FBXL18: variants seen among roughly 807,000 people sequenced by gnomAD.
The protein encoded by FBXL18 is F-box and leucine rich repeat protein 18, also known as F-box/LRR-repeat protein 18.
FBXL18 carries 36 observed loss-of-function variants against 46.0 expected under a neutral mutation model. That is an observed-to-expected ratio of 0.78 (90% CI 0.60 to 1.03). FBXL18 has a LOEUF of 1.03. Among genes scored for constraint, FBXL18 ranks in the 50% least tolerant of loss-of-function variants. FBXL18 has a pLI of 0.00. For missense variants in FBXL18, 977 were observed against 1,004.1 expected (o/e 0.97, Z 0.36); for synonymous variants, 557 against 465.3 (o/e 1.20, Z -2.54).
chr7:5,493,993 C>T (rs1202445274), intron 3 of FBXL18, among the ~76,000 whole-genome samples: 4 of 151,954 alleles, frequency 2.6e-5, no homozygotes, highest in Admixed American at 2.6e-4. Context: ...GCCAGGCAGG[C>T]CGGGCACGGT....
chr7:5,479,949 AG>A lies in FBXL18; in HGVS notation c.*1825del, dbSNP rs1461524200. The A allele has an allele frequency of 6.6e-6, 1 of 152,386 alleles. No homozygotes were observed. Among genetic ancestry groups the A allele is most frequent in the Non-Finnish European group, 1.5e-5 (1 of 68,198 alleles). 9.4% of individuals were successfully genotyped at this position (152,386 alleles called of 1,614,324 possible). On this transcript the variant is annotated 3_prime_UTR_variant, in exon 5 of 5. Coordinates refer to ENST00000382368, the MANE Select transcript of FBXL18 (RefSeq NM_024963.6). ...ACCTGTGCCAGTGAGCAGAGGCGCC[AG>A]GGTGGGGTCAAGACTGCCAGGTGGA... is the stretch of plus-strand genomic sequence containing the variant.
intron 4 of FBXL18, among the ~76,000 whole-genome samples, chr7:5,461,839 G>A (rs1240314510): frequency 6.6e-6 from 1 of 152,192 alleles, no homozygotes; most frequent in East Asian, 1.9e-4. Flanking sequence ...TACTCGAGAG[G>A]CTGAGGCAGG....
Position 5,500,959 on chromosome 7 carries a change from G to C in FBXL18, c.1310C>G (p.Ala437Gly), listed in dbSNP as rs1784229107. 1 of 1,534,112 alleles carries C rather than the reference G, an allele frequency of 6.5e-7. No homozygotes were observed. The highest frequency in any genetic ancestry group is 1.3e-5 in the South Asian group (1 of 79,040). Residue 437 changes from alanine (A) to glycine (G), a missense_variant, in exon 3 of 5, where the codon GCC becomes GGC. By Grantham distance (60) the Ala-to-Gly change is moderately conservative. Coordinates refer to ENST00000382368, the MANE Select transcript of FBXL18 (RefSeq NM_024963.6). ...CGGCACTGCGTGCATGGCCGGCTGG[G>C]CGGGCGCGCGGTCGGCGCGCGGCGC... ...DSAPRADRAPAQPAMHAVPRG... is the reference protein window; with the variant it reads ...DSAPRADRAPGQPAMHAVPRG...
At chr7:5,469,099 T>C (rs1448330676) in intron 4 of FBXL18, among the ~76,000 whole-genome samples, 2 of 152,114 alleles carry the variant, frequency 1.3e-5, no homozygotes, top group African/African-American at 2.4e-5. Context: ...TGAGTGACTA[T>C]GTATGAAGAA....
chr7:5,470,856 A>G (rs34214246), downstream of FBXL18, among the ~76,000 whole-genome samples: 67,780 of 151,944 alleles, frequency 0.45, 15,877 homozygotes, highest in East Asian at 0.76. Context: ...CAAGGCCTGG[A>G]GATGGCGGTG....
At chr7:5,511,628 T>C (rs1312013252) in intron 1 of FBXL18, among the ~76,000 whole-genome samples, 1 of 141,230 alleles carries the variant, frequency 7.1e-6, no homozygotes, top group African/African-American at 2.7e-5. Flanking sequence ...ATCAGCCAGG[T>C]GTGGTGGTGG....
At chr7:5,497,860 T>G (rs564268430) in intron 3 of FBXL18, among the ~76,000 whole-genome samples, 2 of 152,160 alleles carry the variant, frequency 1.3e-5, no homozygotes, top group African/African-American at 4.8e-5. Flanking sequence ...ACAAGGTGAA[T>G]GCTAACTATT....
rs1783553057 is a variant in FBXL18, at chr7:5,477,896, A to G, written c.*3879T>C. The G allele has an allele frequency of 6.6e-6, 1 of 152,434 alleles. No homozygotes were observed. The highest frequency in any genetic ancestry group is 2.1e-4 in the South Asian group (1 of 4,836). The allele number at this position is 152,434 out of a possible 1,614,324, so 9.4% of individuals were successfully genotyped here. A position where few individuals can be genotyped will look rare whatever the true frequency, so the allele number is the denominator to read the frequency against. ...GGCCGGAGCACTGGTCTGGAGCTTC[A>G]TTGGCCGGCAGGGGCCCAGCCCTCA... On this transcript the variant is annotated 3_prime_UTR_variant, in exon 5 of 5. Transcript: ENST00000382368. This position sits in a 1 kb window ranked among gnomAD's most constrained non-coding sequence, Gnocchi z 4.4.
Position 5,480,588 on chromosome 7 carries a change from G to T in FBXL18, c.*1187C>A, listed in dbSNP as rs1489719056. On this transcript the variant is annotated 3_prime_UTR_variant, in exon 5 of 5. Coordinates refer to ENST00000382368, the MANE Select transcript of FBXL18 (RefSeq NM_024963.6). Reference sequence around the variant, plus strand: ...TTTTTTTTTTTTTTTTTTTGAGGCGGAGTCTCACCCTGTTGTCCAGGCTGG... The same window carrying T: ...TTTTTTTTTTTTTTTTTTTGAGGCGTAGTCTCACCCTGTTGTCCAGGCTGG... The T allele has an allele frequency of 2.0e-5, 2 of 99,804 alleles. No individual in the cohort carries two copies. Among genetic ancestry groups the T allele is most frequent in the South Asian group, 3.3e-4 (1 of 3,020 alleles). 6.2% of individuals were successfully genotyped at this position (99,804 alleles called of 1,614,324 possible). A position where few individuals can be genotyped will look rare whatever the true frequency, so the allele number is the denominator to read the frequency against.
intron 4 of FBXL18, among the ~76,000 whole-genome samples, chr7:5,467,019 C>A (rs1783350511): frequency 6.6e-6 from 1 of 152,072 alleles, no homozygotes. Flanking sequence ...GAGTTCAAGA[C>A]CAGCCTGGCC....
At chr7:5,465,276 C>T (rs1201580815) in intron 4 of FBXL18, among the ~76,000 whole-genome samples, 1 of 151,996 alleles carries the variant, frequency 6.6e-6, no homozygotes, top group Non-Finnish European at 1.5e-5. Flanking sequence ...TCTCAGCTTA[C>T]TGCAACCTCC....
chr7:5,510,718 G>T (rs542917853), intron 1 of FBXL18, among the ~76,000 whole-genome samples: 338 of 151,220 alleles, frequency 2.2e-3, no homozygotes, highest in Non-Finnish European at 3.9e-3. Context: ...TAGGTAACTG[G>T]CTGGAGGTCA....
intron 3 of FBXL18, 64 bp downstream of exon 3, chr7:5,500,424 G>T: frequency 6.9e-7 from 1 of 1,452,888 alleles, no homozygotes; most frequent in African/African-American, 1.4e-5. Context: ...AACTCCACGC[G>T]AACGCCCCAG....
intron 4 of FBXL18, 56 bp from the exon 5 acceptor site, chr7:5,481,987 G>C (rs957509371): frequency 7.8e-6 from 12 of 1,541,180 alleles, no homozygotes; most frequent in Non-Finnish European, 1.0e-5. Flanking sequence ...AGGGGGCGGA[G>C]CCTGCTGGGG....
In FBXL18 at chr7:5,500,535, G is replaced by C; in HGVS notation, c.1734C>G (p.Pro578=). Residue 578 remains proline, a synonymous_variant, in exon 3 of 5, where the codon CCC becomes CCG. Transcript: ENST00000382368. ...LGMMGKVVYM[P]ALSDMLKHCK... is the part of the protein sequence containing the mutation. ...AGTGCTTCAACATGTCTGAGAGCGC[G>C]GGCATGTACACCACCTTCCCCATCA... The C allele has an allele frequency of 6.2e-7, 1 of 1,613,116 alleles. No homozygotes were observed. The highest frequency in any genetic ancestry group is 2.2e-5 in the East Asian group (1 of 44,866).
chr7:5,473,733 C>A (rs1383252986), downstream of FBXL18, among the ~76,000 whole-genome samples: 1 of 150,646 alleles, frequency 6.6e-6, no homozygotes, highest in Non-Finnish European at 1.5e-5. Context: ...TGCACTCCAG[C>A]CTGGGCGACA....
chr7:5,463,112 A>G (rs1037047962), intron 4 of FBXL18, among the ~76,000 whole-genome samples: 1 of 150,128 alleles, frequency 6.7e-6, no homozygotes, highest in African/African-American at 2.4e-5. Flanking sequence ...ACCACCTCAC[A>G]TCTACTAAGA....
At chr7:5,475,518 A>G (rs1397415183), downstream of FBXL18, among the ~76,000 whole-genome samples, 1 of 152,060 alleles carries the variant, frequency 6.6e-6, no homozygotes, top group Non-Finnish European at 1.5e-5. The surrounding 1 kb of genome is among the most constrained non-coding windows in gnomAD (Gnocchi z 4.2). Context: ...GCTCCCTGCC[A>G]GGCCCATCCT....
chr7:5,485,438 C>T (rs1316585760), intron 4 of FBXL18, among the ~76,000 whole-genome samples: 4 of 152,206 alleles, frequency 2.6e-5, no homozygotes, highest in Non-Finnish European at 5.9e-5. Context: ...TGTTCACACT[C>T]ATTGGCGAGA....
Sources: gnomAD v4.1 joint callset for allele counts (sites outside exome capture counted in the v4.1 genomes callset) on GRCh38, gnomAD v4.1.1 for gene constraint, Gnocchi (gnomAD v3.1) non-coding constraint, MANE v1.5 for transcripts, NCBI Gene and HGNC (gene_info 2026-07-23, HGNC 2026-07-21) for gene names.